The following THSD7B variants were observed in gnomAD, a reference collection of about 807,000 sequenced individuals.
THSD7B encodes the protein thrombospondin type-1 domain-containing protein 7B.
Under a neutral mutation model 213.6 loss-of-function variants are expected in THSD7B, and 138 were observed. The ratio of observed to expected loss-of-function variants is 0.65; its 90% CI spans 0.56 to 0.74. THSD7B has a LOEUF of 0.74. Among genes scored for constraint, THSD7B ranks in the 30% least tolerant of loss-of-function variants. The pLI is 0.00. For missense variants in THSD7B, 1,931 were observed against 1,991.5 expected, an observed-to-expected ratio of 0.97 and a Z score of 0.58; for synonymous variants, 742 against 687.0, an observed-to-expected ratio of 1.08 and a Z score of -1.25.
At chr2:137,064,093 C>T (rs1223931825) in intron 3 of THSD7B, among the ~76,000 whole-genome samples, 1 of 151,990 alleles carries the variant, frequency 6.6e-6, no homozygotes, top group African/African-American at 2.4e-5. Context: ...CTAAACTGTT[C>T]TCCATAGTGG....
intron 12 of THSD7B, 104 bp from the exon 13 acceptor site, chr2:137,405,509 A>C: frequency 9.0e-7 from 1 of 1,111,718 alleles, no homozygotes; most frequent in African/African-American, 1.6e-5. Context: ...CCATTTGTGA[A>C]GCCCAAGTTT....
intron 3 of THSD7B, among the ~76,000 whole-genome samples, chr2:137,088,326 A>G (rs542040980): frequency 6.6e-6 from 1 of 152,136 alleles, no homozygotes; most frequent in Admixed American, 6.6e-5. Flanking sequence ...ATAAACCCAA[A>G]TACTTACAGC....
chr2:136,966,631 G>T (rs1351248064), intron 2 of THSD7B, among the ~76,000 whole-genome samples: 1 of 152,034 alleles, frequency 6.6e-6, no homozygotes, highest in Non-Finnish European at 1.5e-5. Context: ...TAGTTGCCTG[G>T]TCTCTGAGTT....
chr2:137,104,171 TAACA>T (rs1262042346), intron 4 of THSD7B, among the ~76,000 whole-genome samples: 7 of 152,120 alleles, frequency 4.6e-5, no homozygotes, highest in Non-Finnish European at 1.0e-4. Context: ...ACAGAAATAA[TAACA>T]AACAGTCTCT....
intron 16 of THSD7B, among the ~76,000 whole-genome samples, chr2:137,566,291 C>G (rs1024949747): frequency 2.0e-5 from 3 of 152,156 alleles, no homozygotes; most frequent in Admixed American, 2.0e-4. Flanking sequence ...GAATTTGGTC[C>G]ATTTGCTCAC....
chr2:137,562,594 T>TTGTGTG (rs72488766), intron 15 of THSD7B, among the ~76,000 whole-genome samples: 6,395 of 144,978 alleles, frequency 0.044, 144 homozygotes, highest in South Asian at 0.057. Flanking sequence ...GTATTTCTCT[T>TTGTGTG]TGTGTGTGTG....
At chr2:136,878,509 G>A (rs1211902975) in intron 1 of THSD7B, among the ~76,000 whole-genome samples, 1 of 152,080 alleles carries the variant, frequency 6.6e-6, no homozygotes, top group African/African-American at 2.4e-5. Context: ...TTCCACAATG[G>A]TTGAACTAGT....
At chr2:136,896,554 C>A (rs1683963598) in intron 2 of THSD7B, among the ~76,000 whole-genome samples, 1 of 151,952 alleles carries the variant, frequency 6.6e-6, no homozygotes. Context: ...TCTTATGAAG[C>A]CTAGTTTTCC....
intron 2 of THSD7B, among the ~76,000 whole-genome samples, chr2:136,942,892 A>G (rs1314713212): frequency 1.3e-5 from 2 of 152,184 alleles, no homozygotes; most frequent in Non-Finnish European, 1.5e-5. Flanking sequence ...ACTGTGTTGA[A>G]TAGGAGTGGT....
At chr2:136,985,265 C>A (rs186332300) in intron 2 of THSD7B, among the ~76,000 whole-genome samples, 5 of 152,238 alleles carry the variant, frequency 3.3e-5, no homozygotes, top group Non-Finnish European at 5.9e-5. Context: ...GCCTTGAAGG[C>A]GTTTGAGAAA....
At chr2:137,081,542 T>C (rs1359716318) in intron 3 of THSD7B, among the ~76,000 whole-genome samples, 2 of 152,152 alleles carry the variant, frequency 1.3e-5, no homozygotes, top group Non-Finnish European at 2.9e-5. Flanking sequence ...TTCAGTCAAT[T>C]CATTTTATTA....
intron 2 of THSD7B, among the ~76,000 whole-genome samples, chr2:136,952,216 C>T (rs1304866031): frequency 6.6e-6 from 1 of 151,814 alleles, no homozygotes; most frequent in Admixed American, 6.6e-5. Context: ...AACCCCCACC[C>T]CCCCAAAAAA....
chr2:137,351,449 A>G (rs1685012112), intron 12 of THSD7B, among the ~76,000 whole-genome samples: 1 of 151,958 alleles, frequency 6.6e-6, no homozygotes, highest in African/African-American at 2.4e-5. Flanking sequence ...TGCTGTTAAA[A>G]TCAGTCTACC....
rs1558834445 is a variant in THSD7B, at chr2:137,546,448, AT to A, written c.3139-16772del. Among the ~76,000 whole-genome samples, 36 of 27,684 alleles carry A rather than the reference AT, an allele frequency of 1.3e-3. 5 individuals are homozygous for A. The highest frequency in any genetic ancestry group is 6.9e-3 in the African/African-American group (23 of 3,348). The allele number at this position is 27,684 out of a possible 152,430, so 18.2% of individuals were successfully genotyped here. On this transcript the variant is annotated intron_variant, in intron 15 of 27. Coordinates refer to ENST00000409968, the MANE Select transcript of THSD7B (RefSeq NM_001316349.2). The stretch of plus-strand genomic sequence containing the variant: ...ATTATATATATATTATATATATTAT[AT>A]ATATATTATATATAATATATATATA...
At chr2:137,169,064 A>G (rs1001230663) in intron 6 of THSD7B, among the ~76,000 whole-genome samples, 1 of 151,478 alleles carries the variant, frequency 6.6e-6, no homozygotes, top group Non-Finnish European at 1.5e-5. Flanking sequence ...TGTCAATGCC[A>G]TGAGAATATA....
chr2:136,799,069 A>G (rs1449297918), intron 1 of THSD7B, among the ~76,000 whole-genome samples: 2 of 152,038 alleles, frequency 1.3e-5, no homozygotes, highest in Non-Finnish European at 2.9e-5. Context: ...TTTCCTGATG[A>G]AAGAACTTCT....
intron 5 of THSD7B, among the ~76,000 whole-genome samples, chr2:137,120,904 C>A (rs1688534963): frequency 6.6e-6 from 1 of 152,182 alleles, no homozygotes. Context: ...CAAACATAGA[C>A]TTTATAAGCC....
intron 7 of THSD7B, among the ~76,000 whole-genome samples, chr2:137,229,074 A>G (rs143284454): frequency 6.6e-6 from 1 of 152,232 alleles, no homozygotes; most frequent in Admixed American, 6.5e-5. Flanking sequence ...CTTACAATGT[A>G]TATTGGCATT....
At chr2:136,955,340 G>A (rs1241907384) in intron 2 of THSD7B, among the ~76,000 whole-genome samples, 1 of 152,170 alleles carries the variant, frequency 6.6e-6, no homozygotes, top group Non-Finnish European at 1.5e-5. Context: ...TCAAATTGTT[G>A]TAACTTAATT....
Sources: allele counts gnomAD v4.1 joint callset (sites outside exome capture counted in the v4.1 genomes callset), GRCh38; gene constraint gnomAD v4.1.1; transcripts MANE v1.5; gene names NCBI Gene and HGNC (gene_info 2026-07-23, HGNC 2026-07-21).